The following FMNL2 variants were observed in gnomAD, a reference collection of about 807,000 sequenced individuals.
FMNL2 encodes formin-like protein 2.
Under a neutral mutation model 130.2 loss-of-function variants are expected in FMNL2, and 51 were observed. The observed-to-expected ratio is 0.39, with a 90% confidence interval of 0.31 to 0.49. The LOEUF is 0.49. Ranked by LOEUF, FMNL2 falls within the 20% of genes least tolerant of loss-of-function variation. FMNL2 has a pLI of 0.85. For synonymous variants in FMNL2, 465 were observed against 467.1 expected (o/e 1.00, Z 0.06); for missense variants, 977 against 1,316.2 (o/e 0.74, Z 3.99).
At chr2:152,605,562 C>T (rs1448186700) in intron 9 of FMNL2, among the ~76,000 whole-genome samples, 1 of 152,096 alleles carries the variant, frequency 6.6e-6, no homozygotes, top group Non-Finnish European at 1.5e-5. Flanking sequence ...GGGGCTCAAG[C>T]GATCCTCCCG....
chr2:152,420,995 G>T (rs990624503), intron 1 of FMNL2, among the ~76,000 whole-genome samples: 3 of 152,194 alleles, frequency 2.0e-5, no homozygotes, highest in East Asian at 3.8e-4. Context: ...GGATTGTAGG[G>T]TACCGTCCAA....
chr2:152,482,303 T>TA (rs1369993060), intron 1 of FMNL2, among the ~76,000 whole-genome samples: 2 of 152,216 alleles, frequency 1.3e-5, no homozygotes, highest in Non-Finnish European at 2.9e-5. Flanking sequence ...CTTTCTCCCC[T>TA]AGCCAGTAAA....
At chr2:152,421,151 T>G (rs576361439) in intron 1 of FMNL2, among the ~76,000 whole-genome samples, 1 of 152,252 alleles carries the variant, frequency 6.6e-6, no homozygotes, top group East Asian at 1.9e-4. Context: ...GGCATTTTCT[T>G]GTCAGTGGGT....
intron 21 of FMNL2, among the ~76,000 whole-genome samples, chr2:152,635,377 G>T (rs1353024130): frequency 6.6e-6 from 1 of 152,198 alleles, no homozygotes; most frequent in African/African-American, 2.4e-5. Flanking sequence ...TGTTGATGTT[G>T]CGAGTTGTCT....
At chr2:152,580,857 G>C in intron 8 of FMNL2, 99 bp from the exon 9 acceptor site, 1 of 1,111,578 alleles carries the variant, frequency 9.0e-7, no homozygotes, top group East Asian at 2.4e-5. Flanking sequence ...AAAAATGTAA[G>C]GGCAAATGTT....
intron 1 of FMNL2, among the ~76,000 whole-genome samples, chr2:152,481,935 C>T (rs1018333983): frequency 2.0e-5 from 3 of 152,114 alleles, no homozygotes; most frequent in Non-Finnish European, 2.9e-5. Context: ...CTCAAAGTTG[C>T]CTCTTAAATC....
At chr2:152,552,028 A>G (rs1408662335) in intron 4 of FMNL2, among the ~76,000 whole-genome samples, 1 of 152,206 alleles carries the variant, frequency 6.6e-6, no homozygotes, top group African/African-American at 2.4e-5. Context: ...CCATTTGCTC[A>G]AATTTTTGCT....
chr2:152,486,748 G>C (rs953670299), intron 1 of FMNL2, among the ~76,000 whole-genome samples: 2 of 152,228 alleles, frequency 1.3e-5, no homozygotes, highest in Non-Finnish European at 2.9e-5. Context: ...TGTTTTCTGG[G>C]GGGAAGAATA....
intron 1 of FMNL2, among the ~76,000 whole-genome samples, chr2:152,442,601 G>A (rs955797758): frequency 3.3e-5 from 5 of 151,920 alleles, no homozygotes; most frequent in African/African-American, 9.7e-5. Flanking sequence ...ACCTTTCTCC[G>A]TACCCCCACC....
At chr2:152,605,798 A>G (rs1698329165) in intron 9 of FMNL2, among the ~76,000 whole-genome samples, 1 of 152,216 alleles carries the variant, frequency 6.6e-6, no homozygotes, top group South Asian at 2.1e-4. Flanking sequence ...GGAGGCCCTC[A>G]GAGGCTGAAG....
At chr2:152,477,756 G>A (rs1690236414) in intron 1 of FMNL2, among the ~76,000 whole-genome samples, 1 of 152,132 alleles carries the variant, frequency 6.6e-6, no homozygotes. Context: ...GGACAATAAC[G>A]ATAGAAAAGT....
chr2:152,349,980 G>A (rs188869485), intron 1 of FMNL2, among the ~76,000 whole-genome samples: 8 of 152,304 alleles, frequency 5.3e-5, no homozygotes, highest in Non-Finnish European at 1.2e-4. Flanking sequence ...TCGATTGAAC[G>A]TCTGCTCCCA....
intron 1 of FMNL2, among the ~76,000 whole-genome samples, chr2:152,519,725 A>G (rs552159314): frequency 4.6e-5 from 7 of 152,372 alleles, no homozygotes; most frequent in Admixed American, 3.3e-4. Context: ...GGAGAAGATT[A>G]TGTCTATCCC....
chr2:152,636,427 T>C lies in FMNL2; in HGVS notation c.2681T>C (p.Val894Ala). 1 of 1,610,102 alleles carries C rather than the reference T, an allele frequency of 6.2e-7. No homozygotes were observed. Among genetic ancestry groups the C allele is most frequent in the East Asian group, 2.2e-5 (1 of 44,796 alleles). Residue 894 changes from valine to alanine, a missense_variant and splice_region_variant, in exon 22 of 26, where the codon GTC (valine) becomes GCC (alanine). Physicochemically the swap from Val to Ala is moderately conservative, Grantham distance 64 (BLOSUM62 0). Transcript: ENST00000288670. ...ELHYVEKAAAVSLENVLLDVK... is the reference protein window; with the variant it reads ...ELHYVEKAAAASLENVLLDVK... ...CTGGGATGTTCTTTCTCTGCTTTAG[T>C]CTCCCTTGAGAATGTTTTGCTGGAT...
intron 1 of FMNL2, among the ~76,000 whole-genome samples, chr2:152,452,782 C>T (rs531084881): frequency 2.0e-4 from 30 of 151,984 alleles, no homozygotes; most frequent in African/African-American, 7.2e-4. Flanking sequence ...GGAGGGCTGT[C>T]GATGGGGAGG....
At chr2:152,594,804 C>A (rs1697665986) in intron 9 of FMNL2, among the ~76,000 whole-genome samples, 1 of 152,220 alleles carries the variant, frequency 6.6e-6, no homozygotes, top group South Asian at 2.1e-4. Flanking sequence ...TACTGCCCAG[C>A]TCTTTAATTC....
At chr2:152,483,129 A>C (rs1690623917) in intron 1 of FMNL2, among the ~76,000 whole-genome samples, 1 of 152,182 alleles carries the variant, frequency 6.6e-6, no homozygotes. Context: ...TTGCTGTAAG[A>C]ATTCCATAAA....
chr2:152,612,773 T>C (rs1189128677), intron 11 of FMNL2, among the ~76,000 whole-genome samples: 1 of 151,830 alleles, frequency 6.6e-6, no homozygotes. Context: ...TATGCCTGGC[T>C]AATTTTTGTA....
chr2:152,476,747 A>AC (rs1231174278), intron 1 of FMNL2, among the ~76,000 whole-genome samples: 5 of 151,340 alleles, frequency 3.3e-5, no homozygotes, highest in African/African-American at 1.2e-4. Context: ...CCTCATGAGA[A>AC]CCCCCCATAG....
Sources: allele counts gnomAD v4.1 joint callset (sites outside exome capture counted in the v4.1 genomes callset), GRCh38; gene constraint gnomAD v4.1.1; transcripts MANE v1.5; gene names NCBI Gene and HGNC (gene_info 2026-07-23, HGNC 2026-07-21).